ERP27: variants seen among roughly 807,000 people sequenced by gnomAD.
ERP27 encodes the protein endoplasmic reticulum protein 27, also known as endoplasmic reticulum resident protein 27.
A neutral mutation model predicts 27.7 loss-of-function variants in ERP27; 23 were observed. That is an observed-to-expected ratio of 0.83 (90% CI 0.60 to 1.18). The LOEUF (loss-of-function observed/expected upper bound fraction) is 1.18. ERP27 is among the 50% of genes most tolerant of loss of function. ERP27 has a pLI of 0.00. For synonymous variants in ERP27, 159 were observed against 118.3 expected, an observed-to-expected ratio of 1.34 and a Z score of -2.23; for missense variants, 363 against 327.9, an observed-to-expected ratio of 1.11 and a Z score of -0.83.
chr12:14,920,027 T>G (rs2120556479), intron 4 of ERP27, among the ~76,000 whole-genome samples: 1 of 152,342 alleles, frequency 6.6e-6, no homozygotes, highest in South Asian at 2.1e-4. Flanking sequence ...ATACCATGCA[T>G]GTAAAGAACT....
chr12:14,916,679 A>C (rs1213190900), intron 5 of ERP27, among the ~76,000 whole-genome samples: 1 of 152,190 alleles, frequency 6.6e-6, no homozygotes, highest in African/African-American at 2.4e-5. Context: ...AACAGTCACT[A>C]GTTAGGCACA....
At chr12:14,932,988 C>G (rs1863718748) in intron 3 of ERP27, among the ~76,000 whole-genome samples, 1 of 152,122 alleles carries the variant, frequency 6.6e-6, no homozygotes, top group African/African-American at 2.4e-5. Context: ...TGAGAGAAGT[C>G]CAGACTAGGG....
Position 14,938,481 on chromosome 12 carries a change from A to T in ERP27, c.28T>A (p.Phe10Ile). 1 of 1,613,918 alleles carries T rather than the reference A, an allele frequency of 6.2e-7. No individual in the cohort carries two copies. The highest frequency in any genetic ancestry group is 1.1e-5 in the South Asian group (1 of 91,070). Residue 10 changes from phenylalanine to isoleucine, a missense_variant, in exon 1 of 7, where the codon TTC (phenylalanine) becomes ATC (isoleucine). Phe to Ile is a conservative substitution (Grantham distance 21). Coordinates refer to ENST00000266397, the MANE Select transcript of ERP27 (RefSeq NM_152321.4). The part of the protein sequence containing the change: MEAAPSRFM[F>I]LLFLLTCELA... ...TCACACGTGAGGAGAAATAAGAGGAACATGAACCTGGACGGGGCAGCTTCC... is the reference window on the plus strand; with the variant it reads ...TCACACGTGAGGAGAAATAAGAGGATCATGAACCTGGACGGGGCAGCTTCC...
chr12:14,929,020 A>G, intron 3 of ERP27: 1 of 1,535,204 alleles, frequency 6.5e-7, no homozygotes. Context: ...CATCATTATC[A>G]TCATAATCAG....
chr12:14,919,123 GGTGCAAACCTTT>G (rs1308857293), intron 4 of ERP27, among the ~76,000 whole-genome samples: 1 of 152,094 alleles, frequency 6.6e-6, no homozygotes, highest in Non-Finnish European at 1.5e-5. Context: ...AGTTGCTACT[GGTGCAAACCTTT>G]GCACCAGAAG....
intron 3 of ERP27, among the ~76,000 whole-genome samples, chr12:14,930,404 T>C (rs1010354375): frequency 2.6e-5 from 4 of 152,244 alleles, no homozygotes; most frequent in Admixed American, 6.5e-5. Context: ...AGGTTAATTA[T>C]GTTTCTTTAA....
At chr12:14,922,406 G>A (rs568655607) in intron 3 of ERP27, among the ~76,000 whole-genome samples, 1 of 152,094 alleles carries the variant, frequency 6.6e-6, no homozygotes, top group South Asian at 2.1e-4. Context: ...AAGGATATGA[G>A]GACAATTAAA....
At chr12:14,923,389 T>G (rs1367713662) in intron 3 of ERP27, among the ~76,000 whole-genome samples, 2 of 151,404 alleles carry the variant, frequency 1.3e-5, no homozygotes, top group Non-Finnish European at 2.9e-5. Flanking sequence ...AATATGTATA[T>G]TCATATATAT....
chr12:14,926,633 G>A (rs1275215846), intron 3 of ERP27, among the ~76,000 whole-genome samples: 1 of 151,932 alleles, frequency 6.6e-6, no homozygotes, highest in Non-Finnish European at 1.5e-5. Context: ...TATACAACAT[G>A]CATTTTTTTT....
chr12:14,938,003 A>C lies in ERP27; in HGVS notation c.144T>G (p.Ala48=), dbSNP rs1444737439. ...CAGTGGCAGCAATGAATTCCATGGC[A>C]GCTGGGACATCTGTGAGCCACGTGG... is the stretch of plus-strand genomic sequence containing the variant. ...QEPTWLTDVP[A]AMEFIAATEV... Residue 48 remains alanine, a synonymous_variant, in exon 2 of 7, where the codon GCT becomes GCG. Transcript: ENST00000266397. 3 of 1,614,040 alleles carry C rather than the reference A, an allele frequency of 1.9e-6. No individual in the cohort carries two copies. Among genetic ancestry groups the C allele is most frequent in the Non-Finnish European group, 2.5e-6 (3 of 1,179,994 alleles).
intron 3 of ERP27, 104 bp downstream of exon 3, chr12:14,934,752 A>C (rs1251206890): frequency 7.2e-7 from 1 of 1,388,094 alleles, no homozygotes; most frequent in African/African-American, 1.4e-5. Flanking sequence ...ATTTGGTACC[A>C]TCATTAGTGT....
intron 4 of ERP27, 100 bp downstream of exon 4, chr12:14,920,832 G>T: frequency 1.2e-6 from 1 of 852,330 alleles, no homozygotes. Flanking sequence ...TGTATTGGTC[G>T]AAGAATTGGA....
intron 5 of ERP27, among the ~76,000 whole-genome samples, chr12:14,916,017 TG>T (rs1290880505): frequency 1.7e-5 from 2 of 117,130 alleles, no homozygotes; most frequent in Non-Finnish European, 3.5e-5. Flanking sequence ...GTGGTCTACT[TG>T]GGGGGTGGAG....
chr12:14,938,388 A>G, intron 1 of ERP27, 27 bp downstream of exon 1: 1 of 1,608,382 alleles, frequency 6.2e-7, no homozygotes, highest in Non-Finnish European at 8.5e-7. Flanking sequence ...TTCACACTAT[A>G]GCCACCCAAC....
intron 3 of ERP27, among the ~76,000 whole-genome samples, chr12:14,933,143 C>A (rs1211862270): frequency 1.3e-5 from 2 of 152,102 alleles, no homozygotes; most frequent in African/African-American, 4.8e-5. Context: ...TAGTGAGCAC[C>A]TACTGCACAG....
At chr12:14,931,735 GT>G (rs1863700543) in intron 3 of ERP27, among the ~76,000 whole-genome samples, 1 of 152,094 alleles carries the variant, frequency 6.6e-6, no homozygotes, top group South Asian at 2.1e-4. Flanking sequence ...CTGTAGAGAT[GT>G]TGGAAGCAAC....
At chr12:14,929,673 G>C (rs1222806469) in intron 3 of ERP27, among the ~76,000 whole-genome samples, 1 of 152,134 alleles carries the variant, frequency 6.6e-6, no homozygotes, top group African/African-American at 2.4e-5. Context: ...TTCCTCAAGA[G>C]TATCTGAAGT....
chr12:14,916,143 A>C (rs1863407989), intron 5 of ERP27, among the ~76,000 whole-genome samples: 1 of 152,184 alleles, frequency 6.6e-6, no homozygotes, highest in Admixed American at 6.5e-5. Flanking sequence ...CTACGTAATA[A>C]GCCTTCACAT....
chr12:14,938,231 T>C (rs942132850), intron 1 of ERP27, among the ~76,000 whole-genome samples, 179 bp from the exon 2 acceptor site: 1 of 152,202 alleles, frequency 6.6e-6, no homozygotes, highest in Non-Finnish European at 1.5e-5. Context: ...ACCCTACTGA[T>C]GGTCTGTCTC....
Sources: gnomAD v4.1 joint callset for allele counts (sites outside exome capture counted in the v4.1 genomes callset) on GRCh38, gnomAD v4.1.1 for gene constraint, MANE v1.5 for transcripts, NCBI Gene and HGNC (gene_info 2026-07-23, HGNC 2026-07-21) for gene names.